Variants in NBPF12 observed in about 807,000 individuals in gnomAD.
NBPF12 encodes NBPF family member NBPF12.
A neutral mutation model predicts 146.4 loss-of-function variants in NBPF12; 115 were observed. That is an observed-to-expected ratio of 0.79 (90% CI 0.68 to 0.92). The LOEUF is 0.92. NBPF12 is among the 40% of genes least tolerant of loss of function. The probability of loss-of-function intolerance (pLI) is 0.00; values close to 1 mark genes in which losing one functional copy is unlikely to be tolerated. For synonymous variants in NBPF12, 385 were observed against 508.9 expected (o/e 0.76, Z 3.28); for missense variants, 1,205 against 1,326.8 (o/e 0.91, Z 1.43).
chr1:146,963,695 C>T (rs1380110607), intron 6 of NBPF12, among the ~76,000 whole-genome samples: 1 of 151,450 alleles, frequency 6.6e-6, no homozygotes, highest in Non-Finnish European at 1.5e-5. Flanking sequence ...ATTTATCTTT[C>T]CAGAGTTTCT....
chr1:146,952,197 C>G (rs1366886783), intron 2 of NBPF12, among the ~76,000 whole-genome samples: 1 of 151,900 alleles, frequency 6.6e-6, no homozygotes, highest in East Asian at 1.9e-4. Context: ...TTAATTCAGG[C>G]AGGTTTATTG....
chr1:146,972,519 C>T (rs1350020986), intron 13 of NBPF12, among the ~76,000 whole-genome samples: 3 of 151,690 alleles, frequency 2.0e-5, no homozygotes, highest in East Asian at 1.9e-4. Flanking sequence ...TTTATAGAAA[C>T]TTATAAGCAA....
At chr1:146,939,998 G>A (rs1303777275) in intron 1 of NBPF12, among the ~76,000 whole-genome samples, 5 of 143,352 alleles carry the variant, frequency 3.5e-5, no homozygotes, top group African/African-American at 1.3e-4. Flanking sequence ...AAAAAAAAAA[G>A]CCTTTTCTTG....
chr1:146,964,767 G>C, intron 7 of NBPF12, 126 bp from the exon 11 acceptor site: 4 of 1,479,176 alleles, frequency 2.7e-6, no homozygotes, highest in Non-Finnish European at 3.8e-6. Context: ...CCTCTTTAAG[G>C]GAACCTCCAT....
chr1:146,968,908 C>G (rs1656381165), intron 10 of NBPF12, among the ~76,000 whole-genome samples: 1 of 151,268 alleles, frequency 6.6e-6, no homozygotes. Context: ...TCCTGACTGA[C>G]TGCGGCTTCT....
chr1:146,972,329 G>A (rs1358944270), intron 13 of NBPF12, among the ~76,000 whole-genome samples: 4 of 151,150 alleles, frequency 2.6e-5, no homozygotes. Context: ...GGGAGGCAGA[G>A]GTGGCAGTGA....
At chr1:146,975,423 A>C (rs1355559596) in intron 15 of NBPF12, among the ~76,000 whole-genome samples, 2 of 150,070 alleles carry the variant, frequency 1.3e-5, no homozygotes, top group Non-Finnish European at 2.9e-5. Context: ...TTAGGAAGAC[A>C]CCTACTTTTG....
intron 12 of NBPF12, 58 bp from the exon 16 acceptor site, chr1:146,971,125 G>C (rs1553886348): frequency 0.081 from 130,557 of 1,607,938 alleles, 7,413 homozygotes; most frequent in East Asian, 0.21. Context: ...AGGACTCCTT[G>C]GGGTCCAATC....
chr1:146,973,930 A>G (rs1466110587), intron 14 of NBPF12, among the ~76,000 whole-genome samples: 3 of 150,784 alleles, frequency 2.0e-5, no homozygotes, highest in Non-Finnish European at 2.9e-5. Flanking sequence ...GTAGCAGTGC[A>G]GTGTACAGAG....
At chr1:146,947,269 T>C (rs1553883430), upstream of NBPF12, among the ~76,000 whole-genome samples, 566 of 145,528 alleles carry the variant, frequency 3.9e-3, 1 homozygote, top group East Asian at 0.018. Flanking sequence ...TCTGTCAATA[T>C]CATTTAAGTG....
At chr1:146,950,629 G>T (rs1422371169) in intron 1 of NBPF12, among the ~76,000 whole-genome samples, 1 of 151,984 alleles carries the variant, frequency 6.6e-6, no homozygotes, top group African/African-American at 2.4e-5. Flanking sequence ...ACTCTTTTGC[G>T]TATGGCTCCT....
exon 9 of NBPF12, chr1:146,966,536 C>G: frequency 2.0e-6 from 3 of 1,464,184 alleles, no homozygotes; most frequent in Non-Finnish European, 2.9e-6. Flanking sequence ...AGCGAGAAGG[C>G]AGAGATGAAC....
intron 14 of NBPF12, 63 bp downstream of exon 17, chr1:146,973,023 A>G: frequency 1.2e-6 from 1 of 802,574 alleles, no homozygotes; most frequent in Non-Finnish European, 2.3e-6. Flanking sequence ...TCTCTGAGAA[A>G]CTAAGTGCTC....
intron 2 of NBPF12, among the ~76,000 whole-genome samples, chr1:146,954,899 ACGTG>A (rs1300347247): frequency 7.0e-5 from 7 of 99,452 alleles, no homozygotes; most frequent in Non-Finnish European, 1.2e-4. Context: ...ACACACACAA[ACGTG>A]TGTGTGTGTG....
chr1:146,971,704 C>T (rs1257916745), intron 13 of NBPF12, among the ~76,000 whole-genome samples: 5 of 149,962 alleles, frequency 3.3e-5, no homozygotes, highest in East Asian at 2.0e-4. Flanking sequence ...GTGGGAGGAT[C>T]GGCTAACACG....
At chr1:146,968,075 C>A (rs1656321295) in intron 9 of NBPF12, among the ~76,000 whole-genome samples, 1 of 149,512 alleles carries the variant, frequency 6.7e-6, no homozygotes. Flanking sequence ...GCCTTCCCGA[C>A]TGTACAAGAA....
chr1:146,973,847 G>C (rs1656816585), intron 14 of NBPF12, among the ~76,000 whole-genome samples: 1 of 148,546 alleles, frequency 6.7e-6, no homozygotes, highest in South Asian at 2.1e-4. Context: ...TGGTGAGAGT[G>C]AAGTCCTGCT....
chr1:146,992,567 T>C (rs1658268402), intron 31 of NBPF12, 145 bp from the exon 35 acceptor site: 1 of 533,542 alleles, frequency 1.9e-6, no homozygotes, highest in African/African-American at 2.0e-5. Context: ...TGTCCCAACA[T>C]GAAGGCAATA....
intron 14 of NBPF12, 47 bp downstream of exon 17, chr1:146,973,007 G>C: frequency 2.3e-6 from 2 of 853,346 alleles, no homozygotes; most frequent in Non-Finnish European, 4.1e-6. Flanking sequence ...ACGAAGTCCT[G>C]TCTTCTCTCT....
Sources: gnomAD v4.1 joint callset for allele counts (sites outside exome capture counted in the v4.1 genomes callset) on GRCh38, gnomAD v4.1.1 for gene constraint, MANE v1.5 for transcripts, NCBI Gene and HGNC (gene_info 2026-07-23, HGNC 2026-07-21) for gene names.